Variants in USP32 observed in about 807,000 individuals in gnomAD.
USP32 encodes ubiquitin specific peptidase 32.
Under a neutral mutation model 204.8 loss-of-function variants are expected in USP32, and 59 were observed. The observed-to-expected ratio is 0.29, with a 90% CI of 0.23 to 0.36. The LOEUF (loss-of-function observed/expected upper bound fraction) is 0.36, where lower values mean the gene tolerates loss of function less well. Ranked by LOEUF, USP32 falls within the 10% of genes least tolerant of loss-of-function variation. USP32 has a pLI of 1.00. For missense variants in USP32, 1,160 were observed against 1,946.4 expected (o/e 0.60, Z 7.60); for synonymous variants, 517 against 678.4 (o/e 0.76, Z 3.70).
chr17:60,255,132 T>G (rs769346748), intron 10 of USP32, 43 bp downstream of exon 10: 1 of 1,406,372 alleles, frequency 7.1e-7, no homozygotes, highest in South Asian at 1.2e-5. Context: ...GTAGAAGTAC[T>G]GGTACTACTA....
intron 2 of USP32, chr17:60,305,102 A>G (rs1337770485): frequency 1.3e-5 from 2 of 152,184 alleles, no homozygotes; most frequent in Non-Finnish European, 2.9e-5. Context: ...CTATAGTACA[A>G]TTAATATGTT....
chr17:60,187,208 G>C (rs1197063333), intron 29 of USP32, among the ~76,000 whole-genome samples: 3 of 152,150 alleles, frequency 2.0e-5, no homozygotes, highest in Admixed American at 1.3e-4. Context: ...TGAGAGTCAC[G>C]AGGCTCTCAA....
chr17:60,329,505 C>T (rs1295917306), intron 2 of USP32, among the ~76,000 whole-genome samples: 5 of 138,262 alleles, frequency 3.6e-5, no homozygotes, highest in Non-Finnish European at 7.4e-5. Flanking sequence ...GATGAGGTCT[C>T]ACTATGTTGC....
rs777132253 is a variant in USP32, at chr17:60,337,510, C to A, written c.186+7971G>T. Among the ~76,000 whole-genome samples the A allele has an allele frequency of 2.0e-5, 3 of 152,090 alleles. No homozygotes were observed. The South Asian group carries it at 6.2e-4, about 31-fold the overall frequency. On this transcript the variant is annotated intron_variant, in intron 2 of 33. Coordinates refer to ENST00000300896, the MANE Select transcript of USP32 (RefSeq NM_032582.4). The stretch of plus-strand genomic sequence containing the variant: ...AGAAAGTATTAATAAATCAAATATT[C>A]GCTAAGTATATACAATATGCACAGC...
intron 1 of USP32, among the ~76,000 whole-genome samples, chr17:60,365,652 T>TAA: frequency 6.6e-6 from 1 of 152,044 alleles, no homozygotes; most frequent in East Asian, 1.9e-4. Flanking sequence ...TTTTATTACT[T>TAA]TTTTCATTAG....
chr17:60,420,750 A>G (rs975526409), intron 1 of USP32, among the ~76,000 whole-genome samples: 1 of 152,220 alleles, frequency 6.6e-6, no homozygotes, highest in Non-Finnish European at 1.5e-5. Flanking sequence ...AAAAATACAG[A>G]TAATATGTGA....
chr17:60,378,285 C>CAG (rs60415232), intron 1 of USP32, among the ~76,000 whole-genome samples: 33,698 of 151,902 alleles, frequency 0.22, 9,345 homozygotes, highest in African/African-American at 0.66. Context: ...TGAAAGAAAA[C>CAG]AAAATAACAA....
At chr17:60,308,149 T>C (rs1211951446) in intron 2 of USP32, among the ~76,000 whole-genome samples, 3 of 152,176 alleles carry the variant, frequency 2.0e-5, no homozygotes, top group Non-Finnish European at 4.4e-5. Flanking sequence ...CCACATGTGA[T>C]CCGACTTTTC....
intron 16 of USP32, 110 bp downstream of exon 16, chr17:60,219,560 C>CATTTT: frequency 8.6e-7 from 1 of 1,161,134 alleles, no homozygotes; most frequent in Admixed American, 2.4e-5. Flanking sequence ...GTAGTTTTCA[C>CATTTT]CTTTTTTTTT....
intron 1 of USP32, among the ~76,000 whole-genome samples, chr17:60,407,781 C>CAAAA (rs750848462): frequency 1.7e-4 from 6 of 35,932 alleles, no homozygotes; most frequent in Admixed American, 3.5e-4. Context: ...GCCTCTGTCT[C>CAAAA]AAAAAAAAAA....
At chr17:60,415,837 TG>T (rs2090056892) in intron 1 of USP32, among the ~76,000 whole-genome samples, 1 of 152,134 alleles carries the variant, frequency 6.6e-6, no homozygotes, top group Non-Finnish European at 1.5e-5. Context: ...GTGTTTTTTT[TG>T]TTTATTTGTT....
chr17:60,308,521 C>T, intron 2 of USP32, among the ~76,000 whole-genome samples: 1 of 152,116 alleles, frequency 6.6e-6, no homozygotes, highest in African/African-American at 2.4e-5. Context: ...AGATATAAAT[C>T]CAAAAATTTA....
intron 12 of USP32, among the ~76,000 whole-genome samples, chr17:60,233,810 T>C (rs1356783186): frequency 2.0e-5 from 3 of 152,168 alleles, no homozygotes; most frequent in Admixed American, 1.3e-4. Context: ...TTAATATGTA[T>C]TTTCAGAAAG....
chr17:60,210,311 C>CT lies in USP32; in HGVS notation c.2424+701dup, dbSNP rs57918169. On this transcript the variant is annotated intron_variant, in intron 21 of 33. Transcript: ENST00000300896. ...TTAGTTTCATTCATTCATCCTTCTA[C>CT]TTTTTTTTTTTCTTTTTGGAGACAG... is the stretch of plus-strand genomic sequence containing the variant. Among the ~76,000 whole-genome samples, 417 of 147,236 alleles carry CT rather than the reference C, an allele frequency of 2.8e-3. 2 individuals carry two copies. The highest frequency in any genetic ancestry group is 8.6e-3 in the African/African-American group (348 of 40,344).
intron 1 of USP32, among the ~76,000 whole-genome samples, chr17:60,378,552 T>A (rs1000971503): frequency 2.0e-5 from 3 of 152,150 alleles, no homozygotes; most frequent in Admixed American, 1.3e-4. Context: ...CTCAAATATG[T>A]CCCATCAACA....
At chr17:60,391,464 A>G (rs1015827655) in intron 1 of USP32, among the ~76,000 whole-genome samples, 1 of 152,176 alleles carries the variant, frequency 6.6e-6, no homozygotes, top group African/African-American at 2.4e-5. Context: ...GTCCCCTTCC[A>G]GCTAAGGCTG....
chr17:60,271,621 A>C, intron 5 of USP32, 140 bp from the exon 6 acceptor site: 1 of 831,932 alleles, frequency 1.2e-6, no homozygotes, highest in Non-Finnish European at 1.7e-6. Flanking sequence ...CCAAAAACAA[A>C]ACTGAAATTT....
chr17:60,349,499 A>G (rs1221132509), intron 1 of USP32, among the ~76,000 whole-genome samples: 1 of 144,966 alleles, frequency 6.9e-6, no homozygotes, highest in Admixed American at 7.0e-5. Context: ...AGGATTGAGG[A>G]GGCAAAGGTT....
chr17:60,239,100 T>C (rs2085810133), intron 11 of USP32, among the ~76,000 whole-genome samples: 1 of 152,220 alleles, frequency 6.6e-6, no homozygotes. Context: ...TTGTTAGATA[T>C]AGAGATCTTG....
Sources: allele counts gnomAD v4.1 joint callset (sites outside exome capture counted in the v4.1 genomes callset), GRCh38; gene constraint gnomAD v4.1.1; transcripts MANE v1.5; gene names NCBI Gene and HGNC (gene_info 2026-07-23, HGNC 2026-07-21).